Variants in AATF observed in about 807,000 individuals in gnomAD.
The protein encoded by AATF is protein AATF.
AATF carries 48 observed loss-of-function variants against 63.7 expected under a neutral mutation model. The ratio of observed to expected loss-of-function variants is 0.75; its 90% confidence interval spans 0.60 to 0.96. AATF has a LOEUF of 0.96. AATF is among the 40% of genes least tolerant of loss of function. The pLI is 0.00. For synonymous variants in AATF, 258 were observed against 247.7 expected (o/e 1.04, Z -0.39); for missense variants, 639 against 685.7 (o/e 0.93, Z 0.76).
chr17:37,046,135 T>G (rs1029366249), intron 11 of AATF, among the ~76,000 whole-genome samples: 6 of 152,104 alleles, frequency 3.9e-5, no homozygotes, highest in Admixed American at 3.3e-4. Flanking sequence ...TCACTGCCAT[T>G]AAACAGTTGT....
intron 4 of AATF, among the ~76,000 whole-genome samples, chr17:36,971,111 A>T (rs1412789429): frequency 6.6e-6 from 1 of 152,244 alleles, no homozygotes; most frequent in Non-Finnish European, 1.5e-5. Context: ...TGCTCTGTGA[A>T]AGATATGTTA....
At chr17:37,018,141 T>C (rs1379575406) in intron 8 of AATF, among the ~76,000 whole-genome samples, 1 of 152,254 alleles carries the variant, frequency 6.6e-6, no homozygotes, top group Non-Finnish European at 1.5e-5. Flanking sequence ...AGTTCTATTA[T>C]CGTAATTCAG....
chr17:37,051,734 A>G (rs2071753344), intron 11 of AATF, among the ~76,000 whole-genome samples: 2 of 151,260 alleles, frequency 1.3e-5, no homozygotes. Flanking sequence ...ACACACGCAC[A>G]TTCTGTCTTT....
chr17:36,950,473 A>AC, intron 2 of AATF, 68 bp downstream of exon 2: 2 of 1,436,426 alleles, frequency 1.4e-6, no homozygotes, highest in Non-Finnish European at 1.9e-6. Context: ...TCCTCCGGTC[A>AC]TCCCCCATGA....
At chr17:37,021,193 T>C (rs529858294) in intron 10 of AATF, 179 bp downstream of exon 10, 3 of 501,770 alleles carry the variant, frequency 6.0e-6, no homozygotes, top group South Asian at 3.6e-5. Context: ...AATGGAAATA[T>C]AGTTTCATTG....
intron 8 of AATF, among the ~76,000 whole-genome samples, chr17:37,008,132 G>A (rs935074009): frequency 2.7e-4 from 41 of 152,134 alleles, no homozygotes; most frequent in African/African-American, 8.4e-4. Flanking sequence ...CAGCTGTGGC[G>A]ATTTAGCTGT....
chr17:37,039,808 T>C lies in AATF; in HGVS notation c.1619+8123T>C, dbSNP rs1407695551. On this transcript the variant is annotated intron_variant, in intron 11 of 11. Transcript: ENST00000619387. Reference sequence around the variant, plus strand: ...CTGTTGTTTCTTCTATTTTTCCTGATTTGCTGCTGTTCAGTCTCTTATTCT... The same window carrying C: ...CTGTTGTTTCTTCTATTTTTCCTGACTTGCTGCTGTTCAGTCTCTTATTCT... 4.6e-5 allele frequency among the ~76,000 whole-genome samples: 7 copies of C among 152,186 alleles called. No individual in the cohort carries two copies. The East Asian group carries it at 1.3e-3, about 29-fold the overall frequency.
chr17:36,959,411 C>G lies in AATF; in HGVS notation c.832+5504C>G, dbSNP rs192418582. ...TGAGCAGAGATCATGCCATTGCACT[C>G]CAGCCTGGGTGACAGAGCGAGAGTC... is the stretch of plus-strand genomic sequence containing the variant. On this transcript the variant is annotated intron_variant, in intron 4 of 11. Transcript: ENST00000619387. Among the ~76,000 whole-genome samples the G allele has an allele frequency of 1.6e-4, 25 of 152,342 alleles. No individual in the cohort carries two copies. The East Asian group carries it at 4.4e-3, about 27-fold the overall frequency.
At chr17:36,990,929 C>T in intron 8 of AATF, 72 bp downstream of exon 8, 1 of 1,147,222 alleles carries the variant, frequency 8.7e-7, no homozygotes, top group Non-Finnish European at 1.2e-6. Context: ...ATTCTCTGAA[C>T]AAAGAAGTTG....
intron 4 of AATF, among the ~76,000 whole-genome samples, chr17:36,955,446 C>T (rs1390139646): frequency 6.6e-6 from 1 of 152,014 alleles, no homozygotes; most frequent in East Asian, 1.9e-4. Flanking sequence ...CATTTATATC[C>T]CCGCCCCTGT....
rs527680330 is a variant in AATF at position 37,033,135 on chromosome 17, A to T, written c.1619+1450A>T. ...GGTTTATTCAGTACTTTGAGCACAA[A>T]ACAGCCTATGGATGGTTCTGAGTAC... On this transcript the variant is annotated intron_variant, in intron 11 of 11. Coordinates refer to ENST00000619387, the MANE Select transcript of AATF (RefSeq NM_012138.4). Among the ~76,000 whole-genome samples the T allele has an allele frequency of 1.9e-4, 29 of 152,312 alleles. No individual in the cohort carries two copies. The South Asian group carries it at 4.1e-3, about 22-fold the overall frequency.
chr17:36,981,698 TTTTC>T (rs2071126112), intron 4 of AATF, among the ~76,000 whole-genome samples: 1 of 133,000 alleles, frequency 7.5e-6, no homozygotes, highest in Non-Finnish European at 1.5e-5. Context: ...TTCTTCTTTC[TTTTC>T]TTTTTTTTTT....
At chr17:37,000,879 G>C (rs952002377) in intron 8 of AATF, among the ~76,000 whole-genome samples, 5 of 152,156 alleles carry the variant, frequency 3.3e-5, no homozygotes, top group African/African-American at 1.2e-4. Context: ...TTGAGCCCAG[G>C]AGTTTGAAGC....
chr17:37,012,509 G>A (rs755903710), intron 8 of AATF, among the ~76,000 whole-genome samples: 4 of 152,220 alleles, frequency 2.6e-5, no homozygotes, highest in Non-Finnish European at 5.9e-5. Flanking sequence ...GTCTGCTTTT[G>A]TATCTCCCAG....
intron 10 of AATF, among the ~76,000 whole-genome samples, chr17:37,026,900 G>A (rs1023984959): frequency 6.6e-6 from 1 of 152,156 alleles, no homozygotes; most frequent in African/African-American, 2.4e-5. Flanking sequence ...ACTTTCTTGA[G>A]TTAAACTTCA....
chr17:36,950,999 T>C (rs995379747), intron 2 of AATF, among the ~76,000 whole-genome samples: 1 of 152,200 alleles, frequency 6.6e-6, no homozygotes, highest in Non-Finnish European at 1.5e-5. Context: ...AAGCACTGTG[T>C]GATATTAGTT....
chr17:36,971,707 TAGTC>T (rs1431632221), intron 4 of AATF, among the ~76,000 whole-genome samples: 1 of 152,222 alleles, frequency 6.6e-6, no homozygotes, highest in Non-Finnish European at 1.5e-5. Context: ...AATTGTACAT[TAGTC>T]AGCAATAAAA....
intron 4 of AATF, among the ~76,000 whole-genome samples, chr17:36,982,381 C>G (rs2071133247): frequency 6.6e-6 from 1 of 151,554 alleles, no homozygotes; most frequent in South Asian, 2.1e-4. Flanking sequence ...TGAGATGGAC[C>G]CTTGCTCTGT....
At position 36,988,565 on chromosome 17, in the gene AATF, C is replaced by T. The variant is rs1460721488; in HGVS notation, c.994C>T (p.Gln332Ter). 1 of 1,614,096 alleles carries T rather than the reference C, an allele frequency of 6.2e-7. No individual in the cohort carries two copies. Among genetic ancestry groups the T allele is most frequent in the South Asian group, 1.1e-5 (1 of 91,076 alleles). The change falls in exon 6 of 12, where the codon CAG becomes TAG. Residue 332 changes from glutamine (Q) to a stop codon, truncating the protein, a stop_gained. Coordinates refer to ENST00000619387, the MANE Select transcript of AATF (RefSeq NM_012138.4). LOFTEE classifies it high-confidence loss of function. ...TGATGAGCTGGTAGAAGAGAAGAAG[C>T]AGCAACGAAGAAGGGTCCCTGCAAA... ...EDDELVEEKK[Q>*]QRRRVPAKRK...
Sources: allele counts gnomAD v4.1 joint callset (sites outside exome capture counted in the v4.1 genomes callset), GRCh38; gene constraint gnomAD v4.1.1; transcripts MANE v1.5; gene names NCBI Gene and HGNC (gene_info 2026-07-23, HGNC 2026-07-21).